GABRG3: variants seen among roughly 807,000 people sequenced by gnomAD.
GABRG3 encodes the protein gamma-aminobutyric acid receptor subunit gamma-3.
GABRG3 carries 25 observed loss-of-function variants against 48.8 expected under a neutral mutation model. The observed-to-expected ratio is 0.51, with a 90% confidence interval of 0.37 to 0.72. GABRG3 has a LOEUF of 0.72. Ranked by LOEUF, GABRG3 falls within the 30% of genes least tolerant of loss-of-function variation. GABRG3 has a pLI of 0.00. For missense variants in GABRG3, 394 were observed against 577.9 expected (o/e 0.68, Z 3.26); for synonymous variants, 227 against 217.6 (o/e 1.04, Z -0.38).
At chr15:27,516,847 C>A (rs955718155) in intron 6 of GABRG3, among the ~76,000 whole-genome samples, 2 of 152,184 alleles carry the variant, frequency 1.3e-5, no homozygotes, top group Non-Finnish European at 2.9e-5. Flanking sequence ...TGCTAAAAAG[C>A]AATTATTGAG....
At chr15:27,350,339 C>T (rs372571574) in intron 5 of GABRG3, 5 of 367,996 alleles carry the variant, frequency 1.4e-5, no homozygotes, top group Admixed American at 3.3e-5. Context: ...GACTTCTCAT[C>T]GCGTGTTCTC....
chr15:27,379,724 A>G (rs1301428392), intron 5 of GABRG3, among the ~76,000 whole-genome samples: 1 of 152,206 alleles, frequency 6.6e-6, no homozygotes, highest in Non-Finnish European at 1.5e-5. Context: ...TTTCAACACT[A>G]TAAATATCTT....
At chr15:27,170,552 CAGAT>C (rs1397191244) in intron 3 of GABRG3, among the ~76,000 whole-genome samples, 1 of 152,084 alleles carries the variant, frequency 6.6e-6, no homozygotes, top group Non-Finnish European at 1.5e-5. Context: ...AGAACAAAAA[CAGAT>C]GGAACAAAGA....
chr15:27,068,452 A>G (rs1189126677), intron 3 of GABRG3, among the ~76,000 whole-genome samples: 1 of 152,254 alleles, frequency 6.6e-6, no homozygotes, highest in African/African-American at 2.4e-5. Context: ...GGGGAACTGT[A>G]TGGGTGGCAG....
At position 27,329,620 on chromosome 15, in the gene GABRG3, T is replaced by G. The variant is rs554853065; in HGVS notation, c.574+732T>G. 3.3e-5 allele frequency among the ~76,000 whole-genome samples: 5 copies of G among 152,306 alleles called. No individual in the cohort carries two copies. In the East Asian group the frequency reaches 9.6e-4, roughly 29 times the overall value. ...TGTCTACCAAGTAGAAAGATACAAA[T>G]TTTTCTTTAATTTTACTTATATTTG... On this transcript the variant is annotated intron_variant, in intron 5 of 9. Coordinates refer to ENST00000615808, the MANE Select transcript of GABRG3 (RefSeq NM_033223.5).
chr15:27,110,744 T>TG (rs1024249675), intron 3 of GABRG3, among the ~76,000 whole-genome samples: 76 of 152,326 alleles, frequency 5.0e-4, no homozygotes, highest in African/African-American at 1.8e-3. Flanking sequence ...AGACATCCAC[T>TG]GTAATTCCTA....
intron 3 of GABRG3, among the ~76,000 whole-genome samples, chr15:27,226,361 T>TTTGTAC (rs1889615591): frequency 6.6e-6 from 1 of 152,098 alleles, no homozygotes; most frequent in Admixed American, 6.5e-5. Flanking sequence ...TGACATGAGC[T>TTTGTAC]TTGTACTCCC....
intron 3 of GABRG3, among the ~76,000 whole-genome samples, chr15:27,306,844 TA>T (rs1892527967): frequency 1.2e-5 from 1 of 84,974 alleles, no homozygotes; most frequent in African/African-American, 5.6e-5. Flanking sequence ...TAAACATGTT[TA>T]TATATAAACA....
intron 3 of GABRG3, among the ~76,000 whole-genome samples, chr15:27,302,303 A>T (rs1892238612): frequency 6.6e-6 from 1 of 152,090 alleles, no homozygotes; most frequent in African/African-American, 2.4e-5. Context: ...TTCCAAATGA[A>T]GTGGCAGAAT....
chr15:27,189,337 A>C (rs1454894027), intron 3 of GABRG3, among the ~76,000 whole-genome samples: 1 of 151,958 alleles, frequency 6.6e-6, no homozygotes, highest in Non-Finnish European at 1.5e-5. Context: ...CATTTTCACG[A>C]TATTGATTCT....
At chr15:27,516,198 A>G (rs1289549891) in intron 6 of GABRG3, among the ~76,000 whole-genome samples, 3 of 151,960 alleles carry the variant, frequency 2.0e-5, no homozygotes, top group African/African-American at 4.8e-5. Context: ...AATTTTGCAA[A>G]CATAAAGTTT....
intron 5 of GABRG3, among the ~76,000 whole-genome samples, chr15:27,450,363 C>T (rs146158550): frequency 1.3e-5 from 2 of 152,274 alleles, no homozygotes; most frequent in East Asian, 1.9e-4. Context: ...AGATCGTACA[C>T]CATGAGCAAG....
At chr15:27,408,641 A>C (rs1429092813) in intron 5 of GABRG3, among the ~76,000 whole-genome samples, 1 of 152,194 alleles carries the variant, frequency 6.6e-6, no homozygotes, top group Non-Finnish European at 1.5e-5. Context: ...GGAATTCCAG[A>C]GACTTCCAGT....
intron 3 of GABRG3, among the ~76,000 whole-genome samples, chr15:27,292,632 A>G (rs1483159108): frequency 6.6e-6 from 1 of 152,210 alleles, no homozygotes; most frequent in African/African-American, 2.4e-5. Context: ...CAAATAAAGT[A>G]TAATGGGCAT....
chr15:27,422,507 C>T (rs564141293), intron 5 of GABRG3: 3 of 152,300 alleles, frequency 2.0e-5, no homozygotes, highest in Non-Finnish European at 4.4e-5. Context: ...GGCTATAAAT[C>T]CACCAATACT....
At chr15:27,061,446 C>CTT (rs35770540) in intron 3 of GABRG3, among the ~76,000 whole-genome samples, 1 of 142,672 alleles carries the variant, frequency 7.0e-6, no homozygotes. Flanking sequence ...GGTAACTGCT[C>CTT]TTTTTTTTTT....
chr15:26,978,031 T>G (rs1024969613), intron 2 of GABRG3, among the ~76,000 whole-genome samples: 1 of 152,228 alleles, frequency 6.6e-6, no homozygotes, highest in Admixed American at 6.5e-5. Context: ...AGGTATATAT[T>G]TAATAGGTTG....
At position 27,424,899 on chromosome 15, in the gene GABRG3, G is replaced by A. The variant is rs570015012; in HGVS notation, c.575-55751G>A. 1.2e-4 allele frequency among the ~76,000 whole-genome samples: 18 copies of A among 152,218 alleles called. No individual in the cohort carries two copies. In the South Asian group the frequency reaches 1.2e-3, roughly 11 times the overall value. ...ATCACATTGGTGATTACATTTCAGC[G>A]TATGAACTACGGGGACACATTCAGA... On this transcript the variant is annotated intron_variant, in intron 5 of 9. Transcript: ENST00000615808.
chr15:27,361,260 C>T (rs1895014464), intron 5 of GABRG3, among the ~76,000 whole-genome samples: 1 of 152,142 alleles, frequency 6.6e-6, no homozygotes, highest in African/African-American at 2.4e-5. Context: ...AATGCGGTGG[C>T]CACTGGAGCA....
Sources: allele counts gnomAD v4.1 joint callset (sites outside exome capture counted in the v4.1 genomes callset), GRCh38; gene constraint gnomAD v4.1.1; transcripts MANE v1.5; gene names NCBI Gene and HGNC (gene_info 2026-07-23, HGNC 2026-07-21).